TADA2A: variants seen among roughly 807,000 people sequenced by gnomAD.
The protein encoded by TADA2A is transcriptional adaptor 2A.
A neutral mutation model predicts 67.4 loss-of-function variants in TADA2A; 38 were observed. The ratio of observed to expected loss-of-function variants is 0.56; its 90% confidence interval spans 0.44 to 0.74. The LOEUF is 0.74. TADA2A is among the 30% of genes least tolerant of loss of function. The probability of loss-of-function intolerance (pLI) is 0.00; values close to 1 mark genes in which losing one functional copy is unlikely to be tolerated. For missense variants in TADA2A, 454 were observed against 547.0 expected (o/e 0.83, Z 1.70); for synonymous variants, 192 against 181.6 (o/e 1.06, Z -0.46).
intron 1 of TADA2A, among the ~76,000 whole-genome samples, 158 bp from the exon 2 acceptor site, chr17:37,411,111 T>C (rs76604369): frequency 0.021 from 3,166 of 152,352 alleles, 55 homozygotes; most frequent in Non-Finnish European, 0.032. Context: ...GGCACTGTTA[T>C]ACCCACTACA....
rs571576352 is a variant in TADA2A at position 37,411,009 on chromosome 17, A to G, written c.-97-260A>G. Among the ~76,000 whole-genome samples the G allele has an allele frequency of 1.2e-4, 18 of 152,326 alleles. 1 individual carries two copies. In the South Asian group the frequency reaches 3.5e-3, roughly 30 times the overall value. On this transcript the variant is annotated intron_variant, in intron 1 of 15. Transcript: ENST00000615182. ...TTCCTCATAAAAAAGAAAAATATGT[A>G]GCATTTATAGAGGACCAGGTACCAT...
intron 12 of TADA2A, 64 bp downstream of exon 12, chr17:37,467,589 T>A: frequency 7.3e-7 from 1 of 1,365,360 alleles, no homozygotes; most frequent in Admixed American, 2.1e-5. Context: ...ACAGAGGAAG[T>A]CTCTGAATTG....
chr17:37,437,086 A>T (rs1238381607), intron 4 of TADA2A, among the ~76,000 whole-genome samples: 4 of 150,482 alleles, frequency 2.7e-5, no homozygotes, highest in African/African-American at 2.5e-5. Context: ...ATTTATTTTT[A>T]ATTTTTTTTT....
intron 8 of TADA2A, among the ~76,000 whole-genome samples, chr17:37,448,726 T>G (rs568389973): frequency 4.6e-5 from 7 of 152,330 alleles, no homozygotes; most frequent in African/African-American, 1.7e-4. Context: ...GCAAGAGATA[T>G]GATGAGCTCC....
rs1426132126 is a variant in TADA2A at position 37,477,357 on chromosome 17, T to G, written c.*375T>G. 5.4e-6 allele frequency: 1 copy of G among 185,432 alleles called. No individual in the cohort carries two copies. The highest frequency in any genetic ancestry group is 1.4e-4 in the East Asian group (1 of 7,198). 11.5% of individuals were successfully genotyped at this position (185,432 alleles called of 1,614,324 possible). On this transcript the variant is annotated 3_prime_UTR_variant, in exon 16 of 16. Coordinates refer to ENST00000615182, the MANE Select transcript of TADA2A (RefSeq NM_001166105.3). ...TCAGATCCTTATATTGCGAGGTAAG[T>G]TTGCTGATTATCTGTCTTGCCTTCA... is the stretch of plus-strand genomic sequence containing the variant.
Position 37,440,604 on chromosome 17 carries a change from GCTGAAC to G in TADA2A, c.390_395del (p.Asn130_Leu131del). The G allele has an allele frequency of 6.2e-7, 1 of 1,614,126 alleles. No homozygotes were observed. The highest frequency in any genetic ancestry group is 8.5e-7 in the Non-Finnish European group (1 of 1,180,028). On this transcript the variant is annotated inframe_deletion, in exon 6 of 16. Transcript: ENST00000615182. ...ATAACCCTCTGTTTGCATCTACCCTGCTGAACCTGAAACAAGCAGAGGAAGCAAAAA... is the reference window on the plus strand; with the variant it reads ...ATAACCCTCTGTTTGCATCTACCCTGCTGAAACAAGCAGAGGAAGCAAAAA...
intron 8 of TADA2A, among the ~76,000 whole-genome samples, chr17:37,445,519 G>A (rs1461659890): frequency 6.6e-6 from 1 of 152,188 alleles, no homozygotes; most frequent in Non-Finnish European, 1.5e-5. Flanking sequence ...GCCCGCCTCA[G>A]CTTCCCAAAG....
intron 8 of TADA2A, among the ~76,000 whole-genome samples, chr17:37,445,580 T>G (rs1249153167): frequency 6.6e-6 from 1 of 152,222 alleles, no homozygotes; most frequent in Non-Finnish European, 1.5e-5. Context: ...ATTGCTGAAT[T>G]CTAATCTTTG....
At chr17:37,467,719 A>C (rs1244852319) in intron 12 of TADA2A, among the ~76,000 whole-genome samples, 194 bp downstream of exon 12, 2 of 152,172 alleles carry the variant, frequency 1.3e-5, no homozygotes. Context: ...TTGGTACTAC[A>C]AAAGTTGTGA....
chr17:37,464,828 G>T (rs1223605735), intron 10 of TADA2A, among the ~76,000 whole-genome samples: 1 of 97,374 alleles, frequency 1.0e-5, no homozygotes, highest in Non-Finnish European at 1.9e-5. Context: ...CACAGAGCAA[G>T]ACTCCATCTC....
intron 8 of TADA2A, among the ~76,000 whole-genome samples, chr17:37,446,489 C>G (rs2053084989): frequency 6.6e-6 from 1 of 151,818 alleles, no homozygotes; most frequent in African/African-American, 2.4e-5. Context: ...TTTGGCTGGG[C>G]ATGGTGGGTC....
chr17:37,440,155 C>A (rs76627687), intron 5 of TADA2A, among the ~76,000 whole-genome samples: 188 of 152,066 alleles, frequency 1.2e-3, no homozygotes, highest in African/African-American at 4.4e-3. Flanking sequence ...CCATGTTGAT[C>A]AGGCTGGTCT....
At position 37,477,012 on chromosome 17, in the gene TADA2A, A is replaced by C. The variant is rs758483172; in HGVS notation, c.*30A>C. The stretch of plus-strand genomic sequence containing the variant: ...CCAAGAGCTTGGGATCAGAAGTCAG[A>C]AGTTTGGAATGTGGTGGGTCAAAGG... On this transcript the variant is annotated 3_prime_UTR_variant, in exon 16 of 16. Coordinates refer to ENST00000615182, the MANE Select transcript of TADA2A (RefSeq NM_001166105.3). The C allele has an allele frequency of 6.3e-7, 1 of 1,581,520 alleles. No individual in the cohort carries two copies. The highest frequency in any genetic ancestry group is 8.6e-7 in the Non-Finnish European group (1 of 1,159,432).
At chr17:37,409,788 A>C in intron 1 of TADA2A, among the ~76,000 whole-genome samples, 1 of 92,554 alleles carries the variant, frequency 1.1e-5, no homozygotes, top group Non-Finnish European at 2.6e-5. Context: ...AAAAACAAAA[A>C]CAAAAAGCTG....
intron 4 of TADA2A, among the ~76,000 whole-genome samples, chr17:37,429,341 C>G (rs2147940384): frequency 6.6e-6 from 1 of 152,164 alleles, no homozygotes; most frequent in South Asian, 2.1e-4. Flanking sequence ...AACCTTTATT[C>G]CATCTGTAAA....
chr17:37,413,672 A>G (rs747175302), intron 2 of TADA2A, among the ~76,000 whole-genome samples: 3 of 151,838 alleles, frequency 2.0e-5, no homozygotes, highest in Admixed American at 2.0e-4. Context: ...TTGGCCTCCC[A>G]GTGTGTTGGT....
rs1279076701 is a variant in TADA2A, at chr17:37,440,539, A to G, written c.319A>G (p.Lys107Glu). ...DVANQMCTKT[K>E]EECEKHYMKH... Reference sequence around the variant, plus strand: ...AGCCAATCAAATGTGCACCAAGACCAAGGAGGAGTGTGAGAAGCACTATAT... The same window carrying G: ...AGCCAATCAAATGTGCACCAAGACCGAGGAGGAGTGTGAGAAGCACTATAT... Residue 107 changes from lysine (K) to glutamate (E), a missense_variant, in exon 6 of 16, where the codon AAG (lysine) becomes GAG (glutamate). Around this residue, in one of 2 missense-constraint regions of TADA2A, gnomAD observed 403 missense variants for 455.5 expected, o/e 0.88. Transcript: ENST00000615182. 2.5e-6 allele frequency: 4 copies of G among 1,614,154 alleles called. No homozygotes were observed. In the Admixed American group the frequency reaches 5.0e-5, roughly 20 times the overall value.
intron 14 of TADA2A, among the ~76,000 whole-genome samples, chr17:37,472,592 C>T (rs2053812995): frequency 6.6e-6 from 1 of 151,930 alleles, no homozygotes; most frequent in Non-Finnish European, 1.5e-5. Context: ...TGCAGTGGCT[C>T]ATGCCTGTAA....
intron 4 of TADA2A, among the ~76,000 whole-genome samples, chr17:37,427,320 T>C (rs934990032): frequency 6.6e-6 from 1 of 152,252 alleles, no homozygotes; most frequent in Non-Finnish European, 1.5e-5. Flanking sequence ...ATGCTGCTTT[T>C]TAAACTCATT....
Sources: gnomAD v4.1 joint callset for allele counts (sites outside exome capture counted in the v4.1 genomes callset) on GRCh38, gnomAD v4.1.1 for gene constraint, gnomAD v4.1.1 regional missense constraint, MANE v1.5 for transcripts, NCBI Gene and HGNC (gene_info 2026-07-23, HGNC 2026-07-21) for gene names.